The following SLC8A3 variants were observed in gnomAD, a reference collection of about 807,000 sequenced individuals.
SLC8A3 encodes the protein solute carrier family 8 member A3.
Under a neutral mutation model 65.4 loss-of-function variants are expected in SLC8A3, and 37 were observed. That is an observed-to-expected ratio of 0.57 (90% CI 0.44 to 0.74). The LOEUF (loss-of-function observed/expected upper bound fraction) is 0.74, where lower values mean the gene tolerates loss of function less well. Ranked by LOEUF, SLC8A3 falls within the 30% of genes least tolerant of loss-of-function variation. The pLI, the probability that SLC8A3 is intolerant of heterozygous loss-of-function variation, is 0.00. For synonymous variants in SLC8A3, 461 were observed against 444.5 expected (o/e 1.04, Z -0.47); for missense variants, 1,112 against 1,172.1 (o/e 0.95, Z 0.75).
At chr14:70,136,762 C>G (rs1258983888) in intron 2 of SLC8A3, among the ~76,000 whole-genome samples, 1 of 152,212 alleles carries the variant, frequency 6.6e-6, no homozygotes, top group Non-Finnish European at 1.5e-5. Context: ...TCTTACCTTG[C>G]TCTTCTACTA....
chr14:70,080,950 C>T (rs1289247597), intron 2 of SLC8A3, among the ~76,000 whole-genome samples: 1 of 152,184 alleles, frequency 6.6e-6, no homozygotes, highest in Admixed American at 6.5e-5. Flanking sequence ...CAATGTCACA[C>T]AGCTGGTAAA....
chr14:70,173,317 C>T (rs190109726), intron 1 of SLC8A3, among the ~76,000 whole-genome samples: 2 of 152,106 alleles, frequency 1.3e-5, no homozygotes, highest in Non-Finnish European at 2.9e-5. Flanking sequence ...GCTCATGATG[C>T]CCGTCTGTCC....
At chr14:70,058,893 G>C (rs536734754) in intron 3 of SLC8A3, among the ~76,000 whole-genome samples, 1 of 152,248 alleles carries the variant, frequency 6.6e-6, no homozygotes, top group East Asian at 1.9e-4. Flanking sequence ...AATTGGCCTT[G>C]GGTATCTGCT....
At chr14:70,169,074 G>A (rs1222447332) in intron 1 of SLC8A3, among the ~76,000 whole-genome samples, 4 of 152,016 alleles carry the variant, frequency 2.6e-5, no homozygotes, top group Non-Finnish European at 4.4e-5. Context: ...ATTCTCAATC[G>A]ATTTTGAAAT....
At position 70,046,418 on chromosome 14, in the gene SLC8A3, G is replaced by T. The variant is rs1886803051; in HGVS notation, c.2390-95C>A. The T allele has an allele frequency of 7.6e-7, 1 of 1,312,708 alleles. No individual in the cohort carries two copies. The highest frequency in any genetic ancestry group is 2.4e-5 in the Admixed American group (1 of 41,498). 81.3% of individuals were successfully genotyped at this position (1,312,708 alleles called of 1,614,324 possible). A position where few individuals can be genotyped will look rare whatever the true frequency, so the allele number is the denominator to read the frequency against. On this transcript the variant is annotated intron_variant, in intron 6 of 6. Transcript: ENST00000356921. The surrounding 1 kb of genome is among the most constrained non-coding windows in gnomAD (Gnocchi z 4.2). ...CCCAAAAAGCAGCTTGAGCTGGTGG[G>T]CTGAACCCAGGAATGAGAGACAAGG...
intron 2 of SLC8A3, among the ~76,000 whole-genome samples, chr14:70,144,865 T>C (rs1476255322): frequency 6.6e-6 from 1 of 152,216 alleles, no homozygotes; most frequent in African/African-American, 2.4e-5. Flanking sequence ...GTGAACTCCA[T>C]GAATTTCAGG....
intron 2 of SLC8A3, among the ~76,000 whole-genome samples, chr14:70,125,691 C>G (rs1421575778): frequency 1.3e-5 from 2 of 152,032 alleles, no homozygotes; most frequent in African/African-American, 4.8e-5. Flanking sequence ...TGGGTAGATA[C>G]CCAAAAGTGG....
rs1255772987 is a variant in SLC8A3, at chr14:70,166,745, C to T, written c.1678G>A (p.Gly560Ser). 50 of 1,613,880 alleles carry T rather than the reference C, an allele frequency of 3.1e-5. No individual in the cohort carries two copies. In the Admixed American group the frequency reaches 7.7e-4, roughly 25 times the overall value. The change falls in exon 2 of 7, where the codon GGT (glycine) becomes AGT (serine). Residue 560 changes from glycine to serine, a missense_variant. Transcript: ENST00000356921. ...GTCCTAAAGGGGACGATGACTGTAC[C>T]CCGGGCACCTGATGTCCGCAGAACC... ...VKVLRTSGAR[G>S]TVIVPFRTVE... is the part of the protein sequence containing the mutation.
At chr14:70,123,277 T>C (rs1471400254) in intron 2 of SLC8A3, among the ~76,000 whole-genome samples, 3 of 151,640 alleles carry the variant, frequency 2.0e-5, no homozygotes, top group Non-Finnish European at 2.9e-5. Flanking sequence ...CTCTCCATGG[T>C]TAGAATTATT....
At chr14:70,098,484 G>A (rs770555769) in intron 2 of SLC8A3, among the ~76,000 whole-genome samples, 1 of 152,204 alleles carries the variant, frequency 6.6e-6, no homozygotes, top group African/African-American at 2.4e-5. Context: ...AGAAGAAAGT[G>A]TCTGCGAGGG....
chr14:70,046,404 G>T lies in SLC8A3; in HGVS notation c.2390-81C>A. 1 of 1,432,728 alleles carries T rather than the reference G, an allele frequency of 7.0e-7. No homozygotes were observed. The highest frequency in any genetic ancestry group is 9.4e-7 in the Non-Finnish European group (1 of 1,062,778). 88.8% of individuals were successfully genotyped at this position (1,432,728 alleles called of 1,614,324 possible). ...TGTCTTCCAGTATGCCCAAAAAGCA[G>T]CTTGAGCTGGTGGGCTGAACCCAGG... On this transcript the variant is annotated intron_variant, in intron 6 of 6. Transcript: ENST00000356921. The surrounding 1 kb of genome is among the most constrained non-coding windows in gnomAD (Gnocchi z 4.2).
chr14:70,087,685 T>G (rs1045191387), intron 2 of SLC8A3, among the ~76,000 whole-genome samples: 3 of 152,234 alleles, frequency 2.0e-5, no homozygotes, highest in African/African-American at 7.2e-5. Flanking sequence ...TGGAAGCAAT[T>G]GCTGTAAGAG....
chr14:70,052,539 A>C (rs1333288171), intron 3 of SLC8A3, among the ~76,000 whole-genome samples: 1 of 152,190 alleles, frequency 6.6e-6, no homozygotes, highest in Non-Finnish European at 1.5e-5. Flanking sequence ...TATTCAAAGG[A>C]AATGTCTACT....
At chr14:70,122,382 C>T (rs535669129) in intron 2 of SLC8A3, among the ~76,000 whole-genome samples, 1 of 152,256 alleles carries the variant, frequency 6.6e-6, no homozygotes, top group South Asian at 2.1e-4. Context: ...CCCAACCACC[C>T]CTGTAGAAGA....
chr14:70,101,384 G>A (rs1892539256), intron 2 of SLC8A3, among the ~76,000 whole-genome samples: 1 of 152,048 alleles, frequency 6.6e-6, no homozygotes, highest in Non-Finnish European at 1.5e-5. Context: ...TTGTTAATGG[G>A]GAAAGAAGAA....
At chr14:70,080,685 T>G (rs906338290) in intron 2 of SLC8A3, among the ~76,000 whole-genome samples, 2 of 152,234 alleles carry the variant, frequency 1.3e-5, no homozygotes, top group African/African-American at 4.8e-5. Context: ...TGTCATGGAT[T>G]CTATTGATTA....
At chr14:70,076,221 A>G (rs926733493) in intron 2 of SLC8A3, among the ~76,000 whole-genome samples, 1 of 152,002 alleles carries the variant, frequency 6.6e-6, no homozygotes, top group Non-Finnish European at 1.5e-5. Context: ...TTCTTTTTAA[A>G]TGTCTTAGCT....
At chr14:70,158,561 A>C (rs1896710158) in intron 2 of SLC8A3, among the ~76,000 whole-genome samples, 1 of 152,172 alleles carries the variant, frequency 6.6e-6, no homozygotes, top group African/African-American at 2.4e-5. Flanking sequence ...AGTGGTTTCT[A>C]TACACTCCAC....
intron 2 of SLC8A3, among the ~76,000 whole-genome samples, chr14:70,135,828 T>C (rs1321027578): frequency 6.6e-6 from 1 of 152,210 alleles, no homozygotes; most frequent in African/African-American, 2.4e-5. Flanking sequence ...TAAGTTCTAG[T>C]ATTCGATAGT....
Sources: gnomAD v4.1 joint callset for allele counts (sites outside exome capture counted in the v4.1 genomes callset) on GRCh38, gnomAD v4.1.1 for gene constraint, Gnocchi (gnomAD v3.1) non-coding constraint, MANE v1.5 for transcripts, NCBI Gene and HGNC (gene_info 2026-07-23, HGNC 2026-07-21) for gene names.